FRMD4B: variants seen among roughly 807,000 people sequenced by gnomAD.
FRMD4B encodes FERM domain containing 4B, also known as FERM domain-containing protein 4B.
FRMD4B carries 74 observed loss-of-function variants against 141.5 expected under a neutral mutation model. The observed-to-expected ratio is 0.52, with a 90% CI of 0.43 to 0.63. FRMD4B has a LOEUF of 0.63. Among genes scored for constraint, FRMD4B ranks in the 30% least tolerant of loss-of-function variants. The probability of loss-of-function intolerance (pLI) is 0.00; values close to 1 mark genes in which losing one functional copy is unlikely to be tolerated. For missense variants in FRMD4B, 1,366 were observed against 1,253.4 expected, an observed-to-expected ratio of 1.09 and a Z score of -1.36; for synonymous variants, 506 against 467.9, an observed-to-expected ratio of 1.08 and a Z score of -1.05.
intron 1 of FRMD4B, among the ~76,000 whole-genome samples, chr3:69,476,228 T>C (rs1033014966): frequency 3.9e-5 from 6 of 152,010 alleles, no homozygotes; most frequent in African/African-American, 1.5e-4. Flanking sequence ...TTTGTCAATT[T>C]TGGCTTTTGT....
At chr3:69,250,637 C>A (rs1007846797) in intron 5 of FRMD4B, among the ~76,000 whole-genome samples, 3 of 151,794 alleles carry the variant, frequency 2.0e-5, no homozygotes, top group Non-Finnish European at 4.4e-5. Flanking sequence ...AAATGTGAGG[C>A]CTTAAAAATC....
chr3:69,472,329 C>A, intron 1 of FRMD4B: 1 of 470,612 alleles, frequency 2.1e-6, no homozygotes, highest in East Asian at 6.1e-5. Context: ...ATTACAGATG[C>A]AACTCCCTGG....
intron 1 of FRMD4B, among the ~76,000 whole-genome samples, chr3:69,344,826 C>T (rs947669404): frequency 1.3e-5 from 2 of 151,886 alleles, no homozygotes; most frequent in Admixed American, 6.6e-5. Flanking sequence ...ACTGAACTTA[C>T]AAGAAAAAAA....
intron 1 of FRMD4B, among the ~76,000 whole-genome samples, chr3:69,473,810 C>T (rs1214412709): frequency 6.6e-6 from 1 of 151,956 alleles, no homozygotes; most frequent in African/African-American, 2.4e-5. Flanking sequence ...AAGAAGTGAC[C>T]CTACACAAGG....
At position 69,363,418 on chromosome 3, in the gene FRMD4B, C is replaced by T. The variant is rs1405422688; in HGVS notation, c.162+22410G>A. On this transcript the variant is annotated intron_variant, in intron 1 of 22. Coordinates refer to ENST00000398540, the MANE Select transcript of FRMD4B (RefSeq NM_015123.3). ...TTTTTTTTTTTTTTTGAGACGGAGT[C>T]TTGCTCTGTTGCCCAGGCTGGGGTG... is the stretch of plus-strand genomic sequence containing the variant. Among the ~76,000 whole-genome samples, 6 of 138,364 alleles carry T rather than the reference C, an allele frequency of 4.3e-5. 1 individual carries two copies. The allele number at this position is 138,364 out of a possible 152,430, so 90.8% of individuals were successfully genotyped here. A position where few individuals can be genotyped will look rare whatever the true frequency, so the allele number is the denominator to read the frequency against.
intron 1 of FRMD4B, among the ~76,000 whole-genome samples, chr3:69,330,251 C>A (rs1053312835): frequency 6.7e-6 from 1 of 149,962 alleles, no homozygotes; most frequent in African/African-American, 2.5e-5. Context: ...TTGAAGGTCC[C>A]ATTGGCAGCT....
intron 5 of FRMD4B, among the ~76,000 whole-genome samples, chr3:69,266,209 A>G (rs2093561110): frequency 7.1e-6 from 1 of 139,954 alleles, no homozygotes; most frequent in East Asian, 2.4e-4. Context: ...CTCAAAAAAG[A>G]AAAAAAAAAG....
intron 3 of FRMD4B, among the ~76,000 whole-genome samples, chr3:69,310,125 T>A (rs1575716979): frequency 6.6e-6 from 1 of 152,322 alleles, no homozygotes; most frequent in East Asian, 1.9e-4. Context: ...GGAAACATCC[T>A]CAGTCCAGAA....
At chr3:69,271,352 C>A (rs940022254) in intron 5 of FRMD4B, among the ~76,000 whole-genome samples, 2 of 152,180 alleles carry the variant, frequency 1.3e-5, no homozygotes, top group African/African-American at 4.8e-5. Context: ...TTGTCCTCTG[C>A]TTTATGACTA....
chr3:69,463,278 C>G (rs568994995), intron 1 of FRMD4B, among the ~76,000 whole-genome samples: 1 of 152,314 alleles, frequency 6.6e-6, no homozygotes, highest in East Asian at 1.9e-4. Context: ...AAATGACAAT[C>G]GTAGAATCTA....
Position 69,224,623 on chromosome 3 carries a change from G to C in FRMD4B, c.649C>G (p.Pro217Ala). Reference protein sequence around the residue: ...AFPTKTLQEHPSLAYCEDRVI... With the variant: ...AFPTKTLQEHASLAYCEDRVI... ...TTGGCTTACCAGTAGGCAAGGGATGGATGCTCCTGAAGAGTTTTGGTTGGA... is the reference window on the plus strand; with the variant it reads ...TTGGCTTACCAGTAGGCAAGGGATGCATGCTCCTGAAGAGTTTTGGTTGGA... The change falls in exon 8 of 23, where the codon CCA becomes GCA. Residue 217 changes from proline to alanine, a missense_variant. By Grantham distance (27) the Pro-to-Ala change is conservative. Coordinates refer to ENST00000398540, the MANE Select transcript of FRMD4B (RefSeq NM_015123.3). 1.3e-6 allele frequency: 2 copies of C among 1,566,360 alleles called. No homozygotes were observed. The highest frequency in any genetic ancestry group is 1.8e-6 in the Non-Finnish European group (2 of 1,141,566).
At chr3:69,510,932 C>G (rs1481919970) in intron 1 of FRMD4B, among the ~76,000 whole-genome samples, 1 of 152,136 alleles carries the variant, frequency 6.6e-6, no homozygotes, top group Non-Finnish European at 1.5e-5. Context: ...TATAGTTGAC[C>G]AATAAATCTA....
intron 1 of FRMD4B, among the ~76,000 whole-genome samples, chr3:69,344,712 T>C (rs906793565): frequency 3.3e-5 from 5 of 152,204 alleles, no homozygotes; most frequent in Admixed American, 6.5e-5. Flanking sequence ...TCTGGACTAC[T>C]GTCCCTCCTG....
intron 11 of FRMD4B, among the ~76,000 whole-genome samples, chr3:69,202,692 A>T (rs567239338): frequency 6.6e-6 from 1 of 152,188 alleles, no homozygotes; most frequent in Admixed American, 6.5e-5. Context: ...AAAGGGAAAT[A>T]GTTGTAAGGT....
intron 1 of FRMD4B, among the ~76,000 whole-genome samples, chr3:69,456,247 AAAGT>A (rs35248221): frequency 4.3e-4 from 8 of 18,618 alleles, no homozygotes; most frequent in African/African-American, 3.9e-3. Flanking sequence ...GTGTTTGCAC[AAAGT>A]AAGAAAAAAA....
intron 1 of FRMD4B, among the ~76,000 whole-genome samples, chr3:69,498,634 T>A (rs577769132): frequency 6.6e-6 from 1 of 152,236 alleles, no homozygotes; most frequent in Non-Finnish European, 1.5e-5. Flanking sequence ...TATACCCATA[T>A]AACTTTCATA....
intron 1 of FRMD4B, among the ~76,000 whole-genome samples, chr3:69,492,288 C>T (rs576770321): frequency 6.6e-6 from 1 of 152,290 alleles, no homozygotes; most frequent in African/African-American, 2.4e-5. Context: ...CACTGGTGAA[C>T]AAGGGCCAGC....
chr3:69,315,114 C>T (rs899421763), intron 1 of FRMD4B, among the ~76,000 whole-genome samples: 1 of 152,190 alleles, frequency 6.6e-6, no homozygotes, highest in Non-Finnish European at 1.5e-5. Flanking sequence ...TTACTATCAC[C>T]ACCATAGTTA....
intron 1 of FRMD4B, among the ~76,000 whole-genome samples, chr3:69,455,602 C>A (rs984947057): frequency 6.6e-6 from 1 of 152,154 alleles, no homozygotes. Context: ...CTGGATGCAC[C>A]ATCTTTAAGA....
Sources: allele counts gnomAD v4.1 joint callset (sites outside exome capture counted in the v4.1 genomes callset), GRCh38; gene constraint gnomAD v4.1.1; transcripts MANE v1.5; gene names NCBI Gene and HGNC (gene_info 2026-07-23, HGNC 2026-07-21).